FMO5: variants seen among roughly 807,000 people sequenced by gnomAD.
FMO5 encodes flavin containing dimethylaniline monoxygenase 5.
In FMO5, 51 loss-of-function variants were observed where a neutral mutation model predicts 43.6. That is an observed-to-expected ratio of 1.17 (90% confidence interval 0.93 to 1.48). The LOEUF (loss-of-function observed/expected upper bound fraction) is 1.48. Ranked by LOEUF, FMO5 falls within the 40% of genes most tolerant of loss-of-function variation. FMO5 has a pLI of 0.00. For synonymous variants in FMO5, 187 were observed against 216.5 expected (o/e 0.86, Z 1.20); for missense variants, 644 against 643.0 (o/e 1.00, Z -0.02).
chr1:147,200,312 A>G (rs185114459), intron 7 of FMO5, among the ~76,000 whole-genome samples: 163 of 152,266 alleles, frequency 1.1e-3, no homozygotes, highest in Non-Finnish European at 2.1e-3. Flanking sequence ...GGAAATTCTC[A>G]TATCTCTCCT....
chr1:147,197,877 T>C (rs1658288127), intron 7 of FMO5, among the ~76,000 whole-genome samples: 1 of 152,170 alleles, frequency 6.6e-6, no homozygotes, highest in Non-Finnish European at 1.5e-5. Flanking sequence ...GCCTGGTACA[T>C]ACTAAAAGGT....
Position 147,209,039 on chromosome 1 carries a change from T to C in FMO5, c.643A>G (p.Thr215Ala). The stretch of plus-strand genomic sequence containing the variant: ...TTCAGGATCCAAGCCCCTCTCCTGG[T>C]GCTGAGGAAAACCTGGGGCATGGAA... ...SQTAKQVFLSTRRGAWILNRV... is the reference protein window; with the variant it reads ...SQTAKQVFLSARRGAWILNRV... The change falls in exon 6 of 9, where the codon ACC becomes GCC. Residue 215 changes from threonine to alanine, a missense_variant. Coordinates refer to ENST00000254090, the MANE Select transcript of FMO5 (RefSeq NM_001461.4). 6.2e-7 allele frequency: 1 copy of C among 1,613,786 alleles called. No individual in the cohort carries two copies. Among genetic ancestry groups the C allele is most frequent in the Non-Finnish European group, 8.5e-7 (1 of 1,179,818 alleles).
At chr1:147,224,148 G>C (rs1170951230) in intron 2 of FMO5, 1 of 305,740 alleles carries the variant, frequency 3.3e-6, no homozygotes, top group African/African-American at 2.2e-5. Flanking sequence ...AGGAAGACCT[G>C]CACGACGTTG....
At chr1:147,203,648 G>A (rs956787131) in intron 6 of FMO5, 77 of 1,366,550 alleles carry the variant, frequency 5.6e-5, no homozygotes, top group Middle Eastern at 1.8e-4. Context: ...TCCAGGACAT[G>A]TCTCTCCATA....
chr1:147,198,850 C>CAAAAAAAAA (rs151035141), intron 7 of FMO5, among the ~76,000 whole-genome samples: 46 of 51,560 alleles, frequency 8.9e-4, no homozygotes, highest in East Asian at 1.5e-3. Context: ...GACTGCATCT[C>CAAAAAAAAA]AAAAAAAAAA....
At position 147,187,196 on chromosome 1, in the gene FMO5, T is replaced by A. The variant is rs782153963; in HGVS notation, c.1306A>T (p.Met436Leu). The change falls in exon 9 of 9, where the codon ATG becomes TTG. Residue 436 changes from methionine to leucine, a missense_variant. Met to Leu is a conservative substitution (Grantham distance 15). Coordinates refer to ENST00000254090, the MANE Select transcript of FMO5 (RefSeq NM_001461.4). ...CCCACCAAATCAGCAAGCTCTTCCA[T>A]GGTATCTATGTAGTCTCCCTGAATG... ...HTIQGDYIDT[M>L]EELADLVGVR... 23 of 1,614,098 alleles carry A rather than the reference T, an allele frequency of 1.4e-5. No homozygotes were observed. The highest frequency in any genetic ancestry group is 1.9e-5 in the Non-Finnish European group (23 of 1,179,988).
downstream of FMO5, chr1:147,186,225 A>T (rs1553916955): frequency 3.1e-6 from 2 of 652,594 alleles, no homozygotes; most frequent in African/African-American, 4.0e-5. Context: ...TCATTGGCAG[A>T]TGGTAGATGA....
intron 7 of FMO5, among the ~76,000 whole-genome samples, chr1:147,200,309 C>A (rs1366811994): frequency 6.6e-6 from 1 of 152,158 alleles, no homozygotes; most frequent in African/African-American, 2.4e-5. Flanking sequence ...GAAGGAAATT[C>A]TCATATCTCT....
At chr1:147,209,988 T>C (rs1284286690) in intron 5 of FMO5, 1 of 152,252 alleles carries the variant, frequency 6.6e-6, no homozygotes, top group African/African-American at 2.4e-5. Context: ...AGATAAAGCC[T>C]ACACATCCAC....
At chr1:147,199,689 A>C (rs1658649040) in intron 7 of FMO5, among the ~76,000 whole-genome samples, 1 of 152,204 alleles carries the variant, frequency 6.6e-6, no homozygotes, top group Non-Finnish European at 1.5e-5. Context: ...TATGACTAGA[A>C]TTAGGCCAAC....
At chr1:147,195,984 C>T (rs758230981) in intron 7 of FMO5, among the ~76,000 whole-genome samples, 1 of 152,072 alleles carries the variant, frequency 6.6e-6, no homozygotes, top group Non-Finnish European at 1.5e-5. Context: ...GCATTTGCAC[C>T]ACTGGACCAA....
At chr1:147,197,754 C>A (rs1232785669) in intron 7 of FMO5, among the ~76,000 whole-genome samples, 1 of 152,140 alleles carries the variant, frequency 6.6e-6, no homozygotes, top group Non-Finnish European at 1.5e-5. Flanking sequence ...TCAGGCAGTT[C>A]TTTATAGCAG....
At chr1:147,202,082 T>C (rs966760211) in intron 6 of FMO5, among the ~76,000 whole-genome samples, 14 of 152,200 alleles carry the variant, frequency 9.2e-5, no homozygotes, top group African/African-American at 3.1e-4. Context: ...AGAAAAGTTA[T>C]GTGACTTGTC....
intron 6 of FMO5, chr1:147,204,973 A>G: frequency 8.3e-7 from 1 of 1,205,768 alleles, no homozygotes; most frequent in Non-Finnish European, 1.2e-6. Context: ...CGCTCAGAAG[A>G]CCGCGGAGGA....
At chr1:147,198,850 C>CAAAAA (rs151035141) in intron 7 of FMO5, among the ~76,000 whole-genome samples, 194 of 51,146 alleles carry the variant, frequency 3.8e-3, no homozygotes, top group Middle Eastern at 0.014. Context: ...GACTGCATCT[C>CAAAAA]AAAAAAAAAA....
At chr1:147,223,698 G>T in intron 2 of FMO5, 1 of 192,094 alleles carries the variant, frequency 5.2e-6, no homozygotes, top group South Asian at 9.5e-5. Flanking sequence ...CAGCCCCAAA[G>T]AGACCTCACC....
chr1:147,226,274 T>C (rs1663980971), upstream of FMO5, among the ~76,000 whole-genome samples: 1 of 151,406 alleles, frequency 6.6e-6, no homozygotes, highest in South Asian at 2.1e-4. Context: ...CTCCTCACAA[T>C]CTGGATCTAA....
At position 147,190,051 on chromosome 1, in the gene FMO5, CT is replaced by C. The variant is rs1383852434; in HGVS notation, c.1256+125del. 2.5e-5 allele frequency: 15 copies of C among 602,992 alleles called. No homozygotes were observed. In the African/African-American group the frequency reaches 2.7e-4, roughly 11 times the overall value. The allele number at this position is 602,992 out of a possible 1,614,324, so 37.4% of individuals were successfully genotyped here. A position where few individuals can be genotyped will look rare whatever the true frequency, so the allele number is the denominator to read the frequency against. On this transcript the variant is annotated intron_variant, in intron 8 of 8. Transcript: ENST00000254090. ...ATTCTATTGTCACAAATTATTTTTC[CT>C]TTTTTCTTCATAATAGAATCTAAAT...
At chr1:147,216,272 A>G (rs1661978664) in intron 2 of FMO5, among the ~76,000 whole-genome samples, 1 of 152,210 alleles carries the variant, frequency 6.6e-6, no homozygotes, top group African/African-American at 2.4e-5. Context: ...TGAGACCACC[A>G]TAGCTTGAGG....
Sources: gnomAD v4.1 joint callset for allele counts (sites outside exome capture counted in the v4.1 genomes callset) on GRCh38, gnomAD v4.1.1 for gene constraint, MANE v1.5 for transcripts, NCBI Gene and HGNC (gene_info 2026-07-23, HGNC 2026-07-21) for gene names.